The following PDE4D variants were observed in gnomAD, a reference collection of about 807,000 sequenced individuals.
The protein encoded by PDE4D is phosphodiesterase 4D.
In PDE4D, 24 loss-of-function variants were observed where a neutral mutation model predicts 87.4. The ratio of observed to expected loss-of-function variants is 0.27; its 90% CI spans 0.20 to 0.39. The LOEUF (loss-of-function observed/expected upper bound fraction) is 0.39. Ranked by LOEUF, PDE4D falls within the 10% of genes least tolerant of loss-of-function variation. The probability of loss-of-function intolerance (pLI) is 1.00; values close to 1 mark genes in which losing one functional copy is unlikely to be tolerated. For synonymous variants in PDE4D, 384 were observed against 383.2 expected (o/e 1.00, Z -0.02); for missense variants, 714 against 1,041.0 (o/e 0.69, Z 4.32).
chr5:60,359,444 A>G (rs1184360121), intron 1 of PDE4D, among the ~76,000 whole-genome samples: 1 of 152,160 alleles, frequency 6.6e-6, no homozygotes, highest in Non-Finnish European at 1.5e-5. Flanking sequence ...AGAAGAAAAT[A>G]TTGTTATAAG....
At chr5:59,418,382 C>T (rs1793952930) in intron 1 of PDE4D, among the ~76,000 whole-genome samples, 1 of 152,200 alleles carries the variant, frequency 6.6e-6, no homozygotes, top group African/African-American at 2.4e-5. Flanking sequence ...TATTTTCCTA[C>T]ATCCACACCT....
intron 1 of PDE4D, among the ~76,000 whole-genome samples, chr5:59,486,928 A>C (rs1336993730): frequency 6.6e-6 from 1 of 152,252 alleles, no homozygotes; most frequent in East Asian, 1.9e-4. Context: ...TTCTCCCTGC[A>C]TCAAGAACTT....
In PDE4D at chr5:59,647,298, A is replaced by G. The variant is rs146177238; in HGVS notation, c.455+245870T>C. On this transcript the variant is annotated intron_variant, in intron 1 of 14. Transcript: ENST00000340635. ...AAATATAAAAATGAAACATATCATC[A>G]ATGACATCTTCAGATAATAAGGATA... Among the ~76,000 whole-genome samples, 87 of 152,288 alleles carry G rather than the reference A, an allele frequency of 5.7e-4. 1 individual carries two copies. In the East Asian group the frequency reaches 0.014, roughly 25 times the overall value.
intron 1 of PDE4D, among the ~76,000 whole-genome samples, chr5:60,265,587 A>G (rs1750116339): frequency 6.6e-6 from 1 of 152,158 alleles, no homozygotes; most frequent in African/African-American, 2.4e-5. Context: ...GCAGAGAATG[A>G]TTTATAGGCT....
intron 1 of PDE4D, among the ~76,000 whole-genome samples, chr5:59,222,039 A>G (rs1435817588): frequency 2.0e-5 from 3 of 152,096 alleles, no homozygotes; most frequent in East Asian, 3.9e-4. Context: ...GGCTAGCACT[A>G]CTCATGACCA....
chr5:59,974,561 G>T (rs1453985126), intron 3 of PDE4D, among the ~76,000 whole-genome samples: 19 of 152,114 alleles, frequency 1.2e-4, no homozygotes, highest in Non-Finnish European at 2.8e-4. Flanking sequence ...GGACACCATT[G>T]CAGACCTACT....
In PDE4D at chr5:59,702,869, C is replaced by CAAAAAA. The variant is rs71604798; in HGVS notation, c.455+190293_455+190298dup. Among the ~76,000 whole-genome samples, 178 of 69,644 alleles carry CAAAAAA rather than the reference C, an allele frequency of 2.6e-3. 2 individuals carry two copies. The highest frequency in any genetic ancestry group is 6.8e-3 in the African/African-American group (111 of 16,302). The allele number at this position is 69,644 out of a possible 152,430, so 45.7% of individuals were successfully genotyped here. A position where few individuals can be genotyped will look rare whatever the true frequency, so the allele number is the denominator to read the frequency against. ...TGGGCAACAGAGTGAGACCCTGTCT[C>CAAAAAA]AAAAAAAAAAAAAAAAAAAAAAATT... is the stretch of plus-strand genomic sequence containing the variant. On this transcript the variant is annotated intron_variant, in intron 1 of 14. Coordinates refer to ENST00000340635, the MANE Select transcript of PDE4D (RefSeq NM_001104631.2).
chr5:59,226,107 T>C (rs947743063), intron 1 of PDE4D, among the ~76,000 whole-genome samples: 1 of 151,984 alleles, frequency 6.6e-6, no homozygotes, highest in Non-Finnish European at 1.5e-5. Flanking sequence ...CTCAAAAAAT[T>C]AAAAACAGAA....
At chr5:59,277,294 G>A (rs996420190) in intron 1 of PDE4D, among the ~76,000 whole-genome samples, 15 of 152,090 alleles carry the variant, frequency 9.9e-5, no homozygotes, top group Non-Finnish European at 1.6e-4. Flanking sequence ...TACGGTAAAT[G>A]CCAATAAATT....
intron 1 of PDE4D, among the ~76,000 whole-genome samples, chr5:60,295,818 G>C (rs1465470664): frequency 1.3e-5 from 2 of 152,140 alleles, no homozygotes; most frequent in Non-Finnish European, 2.9e-5. Flanking sequence ...TATGTCTTTA[G>C]ATCCCCTTGC....
At chr5:60,376,243 T>C (rs891693368) in intron 1 of PDE4D, among the ~76,000 whole-genome samples, 2 of 152,130 alleles carry the variant, frequency 1.3e-5, no homozygotes, top group Non-Finnish European at 2.9e-5. Context: ...CACTAAATGG[T>C]GATAAACCCA....
At chr5:60,000,710 AAAATAT>A (rs1425725545) in intron 2 of PDE4D, among the ~76,000 whole-genome samples, 2 of 152,356 alleles carry the variant, frequency 1.3e-5, no homozygotes, top group Non-Finnish European at 2.9e-5. Flanking sequence ...ACTTAATTAT[AAAATAT>A]AAATATAAAA....
intron 1 of PDE4D, among the ~76,000 whole-genome samples, chr5:60,424,264 A>G (rs1382306398): frequency 6.6e-6 from 1 of 152,238 alleles, no homozygotes. Context: ...CCTGATGAAC[A>G]TCGATGAGAA....
chr5:59,557,982 A>T (rs1819256917), intron 1 of PDE4D, among the ~76,000 whole-genome samples: 1 of 152,222 alleles, frequency 6.6e-6, no homozygotes, highest in Non-Finnish European at 1.5e-5. Context: ...TAATATTGGA[A>T]TATTATTGGT....
At chr5:60,296,553 A>C (rs1753410169) in intron 1 of PDE4D, among the ~76,000 whole-genome samples, 1 of 152,180 alleles carries the variant, frequency 6.6e-6, no homozygotes. Context: ...GTTGTAATAA[A>C]AGTTGACAAA....
At chr5:59,758,585 G>C (rs1006697289) in intron 1 of PDE4D, among the ~76,000 whole-genome samples, 1 of 152,136 alleles carries the variant, frequency 6.6e-6, no homozygotes, top group African/African-American at 2.4e-5. Flanking sequence ...TTGAAGTCTA[G>C]TAAAAGAGAA....
chr5:59,678,838 C>T (rs1013715715), intron 1 of PDE4D, among the ~76,000 whole-genome samples: 6 of 152,088 alleles, frequency 3.9e-5, no homozygotes, highest in Non-Finnish European at 7.3e-5. Context: ...ATAATCTTTG[C>T]CTACTTCTTG....
intron 1 of PDE4D, among the ~76,000 whole-genome samples, chr5:60,222,443 G>T (rs904506614): frequency 1.3e-5 from 2 of 152,192 alleles, no homozygotes; most frequent in Middle Eastern, 6.8e-3. Flanking sequence ...GAAATGATAC[G>T]TGTTTATTCT....
At chr5:59,637,099 A>T (rs965840738) in intron 1 of PDE4D, among the ~76,000 whole-genome samples, 1 of 152,186 alleles carries the variant, frequency 6.6e-6, no homozygotes, top group African/African-American at 2.4e-5. Context: ...TGGACAGACA[A>T]TTCTCAAAAG....
Sources: gnomAD v4.1 joint callset for allele counts (sites outside exome capture counted in the v4.1 genomes callset) on GRCh38, gnomAD v4.1.1 for gene constraint, MANE v1.5 for transcripts, NCBI Gene and HGNC (gene_info 2026-07-23, HGNC 2026-07-21) for gene names.